The following PCDHGB3 variants were observed in gnomAD, a reference collection of about 807,000 sequenced individuals.
The protein encoded by PCDHGB3 is protocadherin gamma subfamily B, 3, also known as protocadherin gamma-B3.
PCDHGB3 carries 40 observed loss-of-function variants against 59.2 expected under a neutral mutation model. The observed-to-expected ratio is 0.68, with a 90% CI of 0.52 to 0.88. The LOEUF is 0.88. PCDHGB3 is among the 40% of genes least tolerant of loss of function. The probability of loss-of-function intolerance (pLI) is 0.00; values close to 1 mark genes in which losing one functional copy is unlikely to be tolerated. For synonymous variants in PCDHGB3, 581 were observed against 503.6 expected (o/e 1.15, Z -2.06); for missense variants, 1,309 against 1,187.9 (o/e 1.10, Z -1.50).
At chr5:141,400,903 T>C (rs1489476752) in intron 1 of PCDHGB3, among the ~76,000 whole-genome samples, 1 of 152,258 alleles carries the variant, frequency 6.6e-6, no homozygotes, top group Non-Finnish European at 1.5e-5. Flanking sequence ...TTAATTCATC[T>C]TTTAAAGCAA....
At chr5:141,414,921 G>T (rs746806079) in intron 1 of PCDHGB3, 22 of 1,613,992 alleles carry the variant, frequency 1.4e-5, no homozygotes, top group East Asian at 4.5e-5. Context: ...TGGAGCTGGC[G>T]CCCCGCTCCG....
chr5:141,441,843 G>T, intron 1 of PCDHGB3: 1 of 356,176 alleles, frequency 2.8e-6, no homozygotes. Context: ...TCGCGCTCTT[G>T]GATATGGTGC....
rs568472427 is a variant in PCDHGB3, at chr5:141,460,924, A to G, written c.2416-33883A>G. 3.3e-4 allele frequency among the ~76,000 whole-genome samples: 50 copies of G among 150,592 alleles called. No homozygotes were observed. The East Asian group carries it at 6.6e-3, about 20-fold the overall frequency. Reference sequence around the variant, plus strand: ...AATATTCCATGGTGTATATATATATATGTGTGTGTGTATATATATGTATTA... The same window carrying G: ...AATATTCCATGGTGTATATATATATGTGTGTGTGTGTATATATATGTATTA... On this transcript the variant is annotated intron_variant, in intron 1 of 3. Coordinates refer to ENST00000576222, the MANE Select transcript of PCDHGB3 (RefSeq NM_018924.5).
Position 141,397,950 on chromosome 5 carries a change from G to T in PCDHGB3, c.2415+25141G>T, listed in dbSNP as rs142142786. 7.7e-4 allele frequency: 722 copies of T among 938,408 alleles called. 6 individuals carry two copies. The African/African-American group carries it at 0.01, about 13-fold the overall frequency. 58.1% of individuals were successfully genotyped at this position (938,408 alleles called of 1,614,324 possible). A position where few individuals can be genotyped will look rare whatever the true frequency, so the allele number is the denominator to read the frequency against. On this transcript the variant is annotated intron_variant, in intron 1 of 3. Transcript: ENST00000576222. ...CAGCCGCAGCGCGCTTTCCAGGGCA[G>T]CCCCAGCTCAGACTCCCCAGCGCCG... is the stretch of plus-strand genomic sequence containing the variant.
chr5:141,390,239 C>T (rs769717528), intron 1 of PCDHGB3: 1 of 1,614,022 alleles, frequency 6.2e-7, no homozygotes, highest in Admixed American at 1.7e-5. Flanking sequence ...CATCTGGGGC[C>T]TTATTTCCAC....
rs2095356668 is a variant in PCDHGB3, at chr5:141,410,094, C to T, written c.2415+37285C>T. Reference sequence around the variant, plus strand: ...ACTGGGGAGGTGCGCACGGCTCGAGCCTTAGGCGACAGGGACGCAGCCCGC... The same window carrying T: ...ACTGGGGAGGTGCGCACGGCTCGAGTCTTAGGCGACAGGGACGCAGCCCGC... On this transcript the variant is annotated intron_variant, in intron 1 of 3. Coordinates refer to ENST00000576222, the MANE Select transcript of PCDHGB3 (RefSeq NM_018924.5). 6.2e-7 allele frequency: 1 copy of T among 1,612,528 alleles called. No homozygotes were observed. Among genetic ancestry groups the T allele is most frequent in the Non-Finnish European group, 8.5e-7 (1 of 1,179,670 alleles).
intron 1 of PCDHGB3, chr5:141,390,350 A>G: frequency 6.4e-7 from 1 of 1,563,816 alleles, no homozygotes; most frequent in South Asian, 1.2e-5. Context: ...AAGAAAATAT[A>G]CATATTTGCA....
chr5:141,462,552 T>A (rs966816379), intron 1 of PCDHGB3, among the ~76,000 whole-genome samples: 1 of 152,194 alleles, frequency 6.6e-6, no homozygotes, highest in Non-Finnish European at 1.5e-5. Context: ...TCTTCTTCAG[T>A]GTTTACTGTA....
chr5:141,445,035 T>C (rs1438748354), intron 1 of PCDHGB3, among the ~76,000 whole-genome samples: 1 of 152,208 alleles, frequency 6.6e-6, no homozygotes, highest in Admixed American at 6.5e-5. Flanking sequence ...CTATGTTGTA[T>C]AGTTTTCAGT....
chr5:141,491,747 G>C lies in PCDHGB3; in HGVS notation c.2416-3060G>C. 6.3e-7 allele frequency: 1 copy of C among 1,591,872 alleles called. No homozygotes were observed. The highest frequency in any genetic ancestry group is 8.5e-7 in the Non-Finnish European group (1 of 1,170,328). ...CGGGCGACCCCTGGGGGCGGCACTG[G>C]AGAAGCCGCCCGTCCTCATAAGGGA... On this transcript the variant is annotated intron_variant, in intron 1 of 3. Transcript: ENST00000576222. This position sits in a 1 kb window ranked among gnomAD's most constrained non-coding sequence, Gnocchi z 6.9.
chr5:141,462,161 T>G (rs1592764918), intron 1 of PCDHGB3, among the ~76,000 whole-genome samples: 1 of 152,148 alleles, frequency 6.6e-6, no homozygotes, highest in Non-Finnish European at 1.5e-5. Flanking sequence ...GGTTTCATCA[T>G]GTTGGCCAGG....
chr5:141,457,416 C>T (rs1378171092), intron 1 of PCDHGB3, among the ~76,000 whole-genome samples: 1 of 152,172 alleles, frequency 6.6e-6, no homozygotes, highest in Non-Finnish European at 1.5e-5. Flanking sequence ...ATTACCCATC[C>T]CTTTTTCCCC....
In PCDHGB3 at chr5:141,433,401, A is replaced by ATCTC. The variant is rs1554126038; in HGVS notation, c.2415+60595_2415+60596insCTCT. On this transcript the variant is annotated intron_variant, in intron 1 of 3. Transcript: ENST00000576222. ...TATCTATCTATCTATCTATCTATCT[A>ATCTC]TCTATTACTTTCTTGTACAGACAGG... Among the ~76,000 whole-genome samples, 677 of 150,598 alleles carry ATCTC rather than the reference A, an allele frequency of 4.5e-3. 6 individuals are homozygous for ATCTC. Among genetic ancestry groups the ATCTC allele is most frequent in the African/African-American group, 0.015 (630 of 40,958 alleles).
At chr5:141,451,925 G>A (rs1391178313) in intron 1 of PCDHGB3, among the ~76,000 whole-genome samples, 2 of 152,012 alleles carry the variant, frequency 1.3e-5, no homozygotes, top group East Asian at 3.8e-4. Context: ...AGGAAGGGAG[G>A]TAGGGAGGCA....
chr5:141,390,295 A>G (rs1371103397), intron 1 of PCDHGB3: 2 of 1,613,930 alleles, frequency 1.2e-6, no homozygotes, highest in South Asian at 2.2e-5. Flanking sequence ...AGTTTCCTTT[A>G]AGTATAATTT....
At chr5:141,447,084 T>A (rs2098525776) in intron 1 of PCDHGB3, among the ~76,000 whole-genome samples, 1 of 152,186 alleles carries the variant, frequency 6.6e-6, no homozygotes, top group Non-Finnish European at 1.5e-5. Flanking sequence ...TTTTGTTGTT[T>A]AATTTTCTTT....
At chr5:141,407,524 C>CT (rs2094949017) in intron 1 of PCDHGB3, among the ~76,000 whole-genome samples, 1 of 146,696 alleles carries the variant, frequency 6.8e-6, no homozygotes, top group Admixed American at 6.8e-5. Flanking sequence ...TAGGACTTAA[C>CT]TTATTGTGCA....
At chr5:141,398,949 C>T (rs749860900) in intron 1 of PCDHGB3, 1 of 1,613,948 alleles carries the variant, frequency 6.2e-7, no homozygotes, top group Non-Finnish European at 8.5e-7. Flanking sequence ...AGGGCATCAA[C>T]TCAGAAATTA....
At chr5:141,388,686 G>A (rs1196254559) in intron 1 of PCDHGB3, 5 of 1,613,980 alleles carry the variant, frequency 3.1e-6, no homozygotes, top group Non-Finnish European at 4.2e-6. Context: ...GACTGCCACG[G>A]ACCAGGATGA....
Sources: gnomAD v4.1 joint callset for allele counts (sites outside exome capture counted in the v4.1 genomes callset) on GRCh38, gnomAD v4.1.1 for gene constraint, Gnocchi (gnomAD v3.1) non-coding constraint, MANE v1.5 for transcripts, NCBI Gene and HGNC (gene_info 2026-07-23, HGNC 2026-07-21) for gene names.